The following TTLL11 variants were observed in gnomAD, a reference collection of about 807,000 sequenced individuals.
The protein encoded by TTLL11 is tubulin polyglutamylase TTLL11.
TTLL11 carries 42 observed loss-of-function variants against 51.7 expected under a neutral mutation model. That is an observed-to-expected ratio of 0.81 (90% CI 0.64 to 1.05). TTLL11 has a LOEUF of 1.05. TTLL11 is among the 50% of genes least tolerant of loss of function. The pLI is 0.00. For synonymous variants in TTLL11, 381 were observed against 383.5 expected (o/e 0.99, Z 0.08); for missense variants, 799 against 940.4 (o/e 0.85, Z 1.97).
intron 6 of TTLL11, among the ~76,000 whole-genome samples, chr9:121,906,194 T>C (rs1839939182): frequency 6.6e-6 from 1 of 152,200 alleles, no homozygotes; most frequent in Admixed American, 6.5e-5. Context: ...TAATTATTTT[T>C]TAGACTCTTC....
rs1473825332 is a variant in TTLL11, at chr9:121,816,577, TG to T, written c.*6009del. On this transcript the variant is annotated 3_prime_UTR_variant, in exon 9 of 9. Coordinates refer to ENST00000321582, the MANE Select transcript of TTLL11 (RefSeq NM_001139442.2). ...GCACGTGTGTGCATGCGTGTGCGTG[TG>T]TGCATGTGTGTGCGTGTGTGCATGT... 2.0e-5 allele frequency: 3 copies of T among 148,332 alleles called. No homozygotes were observed. Among genetic ancestry groups the T allele is most frequent in the African/African-American group, 7.7e-5 (3 of 38,836 alleles). 9.2% of individuals were successfully genotyped at this position (148,332 alleles called of 1,614,324 possible).
intron 8 of TTLL11, among the ~76,000 whole-genome samples, chr9:121,847,689 C>T (rs1837557276): frequency 6.6e-6 from 1 of 152,118 alleles, no homozygotes; most frequent in South Asian, 2.1e-4. Context: ...AGCACCATGC[C>T]AGCTAGCTTC....
rs1491163835 is a variant in TTLL11, at chr9:121,826,217, T to TATATATATATACACACAC, written c.1841-3339_1841-3338insGTGTGTGTATATATATAT. ...ATATATATATATATATATATATATA[T>TATATATATATACACACAC]GCACACATATATATATACACGCACA... On this transcript the variant is annotated intron_variant, in intron 8 of 8. Coordinates refer to ENST00000321582, the MANE Select transcript of TTLL11 (RefSeq NM_001139442.2). Among the ~76,000 whole-genome samples the TATATATATATACACACAC allele has an allele frequency of 4.1e-4, 24 of 58,102 alleles. 1 individual carries two copies. Among genetic ancestry groups the TATATATATATACACACAC allele is most frequent in the African/African-American group, 1.6e-3 (21 of 13,474 alleles). 38.1% of individuals were successfully genotyped at this position (58,102 alleles called of 152,430 possible). A position where few individuals can be genotyped will look rare whatever the true frequency, so the allele number is the denominator to read the frequency against.
At chr9:122,040,522 G>T in intron 1 of TTLL11, 1 of 598,038 alleles carries the variant, frequency 1.7e-6, no homozygotes, top group Non-Finnish European at 2.1e-6. Context: ...TTCATATTCA[G>T]AATTTGCTTG....
intron 6 of TTLL11, among the ~76,000 whole-genome samples, chr9:121,962,593 A>C (rs1246413966): frequency 6.6e-6 from 1 of 152,222 alleles, no homozygotes; most frequent in Non-Finnish European, 1.5e-5. Flanking sequence ...ACTATCAGTG[A>C]TTTCATATGA....
intron 4 of TTLL11, among the ~76,000 whole-genome samples, chr9:121,986,892 C>T (rs1842956208): frequency 6.6e-6 from 1 of 151,838 alleles, no homozygotes; most frequent in African/African-American, 2.4e-5. Flanking sequence ...TGTTCCTTGA[C>T]AGAAGAACTG....
intron 3 of TTLL11, among the ~76,000 whole-genome samples, chr9:122,022,223 G>C (rs1193560591): frequency 6.6e-6 from 1 of 151,856 alleles, no homozygotes; most frequent in African/African-American, 2.4e-5. Flanking sequence ...AGAAATAATG[G>C]GCAAATATTT....
intron 6 of TTLL11, among the ~76,000 whole-genome samples, chr9:121,873,286 C>T (rs1176125342): frequency 6.6e-6 from 1 of 152,108 alleles, no homozygotes; most frequent in African/African-American, 2.4e-5. Flanking sequence ...CAAGGTGTTG[C>T]ACCTGTATCA....
chr9:121,874,818 G>A (rs970773688), intron 6 of TTLL11, among the ~76,000 whole-genome samples: 11 of 150,856 alleles, frequency 7.3e-5, no homozygotes, highest in South Asian at 2.1e-4. Context: ...GTGCAGTGGC[G>A]TGATCTCGGC....
chr9:122,055,203 G>GGATGGATA (rs1554789323), intron 1 of TTLL11, among the ~76,000 whole-genome samples: 5 of 144,652 alleles, frequency 3.5e-5, no homozygotes, highest in Non-Finnish European at 7.5e-5. Context: ...AGGACTAATA[G>GGATGGATA]GATAGATAGA....
intron 8 of TTLL11, among the ~76,000 whole-genome samples, chr9:121,823,528 A>C (rs1836648933): frequency 1.3e-5 from 2 of 152,212 alleles, no homozygotes; most frequent in Admixed American, 1.3e-4. Context: ...CCTGGGTGAC[A>C]GAGTAAGACT....
Position 122,015,346 on chromosome 9 carries a change from C to G in TTLL11, c.693+16377G>C, listed in dbSNP as rs140286310. Among the ~76,000 whole-genome samples, 14 of 152,174 alleles carry G rather than the reference C, an allele frequency of 9.2e-5. No homozygotes were observed. The East Asian group carries it at 2.7e-3, about 29-fold the overall frequency. ...ATACATCCAAGCAGGAGGTGAAGTTCTATTTTTGGCAACAAAGGAAATAAC... is the reference window on the plus strand; with the variant it reads ...ATACATCCAAGCAGGAGGTGAAGTTGTATTTTTGGCAACAAAGGAAATAAC... On this transcript the variant is annotated intron_variant, in intron 3 of 8. Coordinates refer to ENST00000321582, the MANE Select transcript of TTLL11 (RefSeq NM_001139442.2).
At chr9:121,941,795 C>T (rs1841482401) in intron 6 of TTLL11, among the ~76,000 whole-genome samples, 1 of 152,168 alleles carries the variant, frequency 6.6e-6, no homozygotes, top group Non-Finnish European at 1.5e-5. Context: ...GATCAGTACT[C>T]CTCTGTGTTC....
intron 6 of TTLL11, among the ~76,000 whole-genome samples, chr9:121,966,442 A>G (rs551894856): frequency 6.6e-6 from 1 of 152,324 alleles, no homozygotes; most frequent in African/African-American, 2.4e-5. Flanking sequence ...ATCTATGTTC[A>G]GGAGAAGGAG....
Position 121,821,975 on chromosome 9 carries a change from T to C in TTLL11, c.*612A>G, listed in dbSNP as rs1454959310. 1 of 152,202 alleles carries C rather than the reference T, an allele frequency of 6.6e-6. No homozygotes were observed. Among genetic ancestry groups the C allele is most frequent in the East Asian group, 1.9e-4 (1 of 5,198 alleles). 9.4% of individuals were successfully genotyped at this position (152,202 alleles called of 1,614,324 possible). On this transcript the variant is annotated 3_prime_UTR_variant, in exon 9 of 9. Coordinates refer to ENST00000321582, the MANE Select transcript of TTLL11 (RefSeq NM_001139442.2). The surrounding 1 kb of genome is among the most constrained non-coding windows in gnomAD (Gnocchi z 5.0). Reference sequence around the variant, plus strand: ...GGCTCCAGGAGTCTTAGTTACTTCTTAATTAATTTTTTCTTAATTAATAAC... The same window carrying C: ...GGCTCCAGGAGTCTTAGTTACTTCTCAATTAATTTTTTCTTAATTAATAAC...
At chr9:121,885,800 C>T (rs980064845) in intron 6 of TTLL11, among the ~76,000 whole-genome samples, 2 of 152,160 alleles carry the variant, frequency 1.3e-5, no homozygotes, top group Non-Finnish European at 2.9e-5. Flanking sequence ...GTGATTATGG[C>T]TCACGGCAGC....
chr9:121,859,468 C>T (rs1837937185), intron 8 of TTLL11, among the ~76,000 whole-genome samples: 1 of 151,992 alleles, frequency 6.6e-6, no homozygotes, highest in South Asian at 2.1e-4. Flanking sequence ...GCCACTGCAA[C>T]CACTCCAGCC....
At chr9:122,090,403 C>A (rs778406419) in intron 1 of TTLL11, among the ~76,000 whole-genome samples, 9 of 152,144 alleles carry the variant, frequency 5.9e-5, no homozygotes, top group Non-Finnish European at 1.2e-4. Context: ...CCATCTCTTA[C>A]CACTCCACCT....
chr9:121,914,641 C>T (rs1347141239), intron 6 of TTLL11, among the ~76,000 whole-genome samples: 1 of 152,162 alleles, frequency 6.6e-6, no homozygotes, highest in Non-Finnish European at 1.5e-5. Context: ...CAAGAGCACC[C>T]AGCACATCCT....
Sources: allele counts gnomAD v4.1 joint callset (sites outside exome capture counted in the v4.1 genomes callset), GRCh38; gene constraint gnomAD v4.1.1; non-coding constraint Gnocchi (gnomAD v3.1); transcripts MANE v1.5; gene names NCBI Gene and HGNC (gene_info 2026-07-23, HGNC 2026-07-21).